The following CCR9 variants were observed in gnomAD, a reference collection of about 807,000 sequenced individuals.
CCR9 encodes the protein C-C chemokine receptor type 9.
A neutral mutation model predicts 8.7 loss-of-function variants in CCR9; 4 were observed. The ratio of observed to expected loss-of-function variants is 0.46; its 90% CI spans 0.23 to 1.06. The LOEUF is 1.06. Ranked by LOEUF, CCR9 falls within the 50% of genes least tolerant of loss-of-function variation. The pLI is 0.21. For missense variants in CCR9, 394 were observed against 453.6 expected, an observed-to-expected ratio of 0.87 and a Z score of 1.19; for synonymous variants, 159 against 168.8, an observed-to-expected ratio of 0.94 and a Z score of 0.45.
At chr3:45,891,885 G>A (rs1034627756) in intron 1 of CCR9, among the ~76,000 whole-genome samples, 3 of 152,070 alleles carry the variant, frequency 2.0e-5, no homozygotes, top group Non-Finnish European at 4.4e-5. Flanking sequence ...CTTTGATTTA[G>A]GTTGACCTTT....
At chr3:45,899,582 G>A (rs915210116) in intron 2 of CCR9, among the ~76,000 whole-genome samples, 59 of 152,202 alleles carry the variant, frequency 3.9e-4, no homozygotes, top group Non-Finnish European at 8.8e-5. Context: ...AAGTAGAGAT[G>A]AGATTTGGCA....
intron 2 of CCR9, among the ~76,000 whole-genome samples, chr3:45,898,103 T>G (rs1329743165): frequency 1.3e-5 from 2 of 152,078 alleles, no homozygotes; most frequent in Admixed American, 6.5e-5. Flanking sequence ...TCATCTGCAT[T>G]GTTTTACTGA....
At chr3:45,893,526 C>T (rs56058226) in intron 1 of CCR9, among the ~76,000 whole-genome samples, 43,006 of 152,090 alleles carry the variant, frequency 0.28, 7,551 homozygotes, top group Admixed American at 0.42. Context: ...GATTAGTTTG[C>T]ATTATTTAGA....
At position 45,901,271 on chromosome 3, in the gene CCR9, G is replaced by A; in HGVS notation, c.483G>A (p.Arg161=). 6.2e-7 allele frequency: 1 copy of A among 1,614,152 alleles called. No homozygotes were observed. The highest frequency in any genetic ancestry group is 8.5e-7 in the Non-Finnish European group (1 of 1,180,018). ...AMRAHTWREK[R]LLYSKMVCFT... ...GAGCACATACTTGGAGGGAGAAAAG[G>A]CTTTTGTACAGCAAAATGGTTTGCT... The change falls in exon 3 of 3, where the codon AGG becomes AGA. Residue 161 remains arginine (R), a synonymous_variant. Transcript: ENST00000357632. This position sits in a 1 kb window ranked among gnomAD's most constrained non-coding sequence, Gnocchi z 4.3.
At chr3:45,890,491 A>G (rs1279770568) in intron 1 of CCR9, among the ~76,000 whole-genome samples, 1 of 149,106 alleles carries the variant, frequency 6.7e-6, no homozygotes, top group African/African-American at 2.5e-5. Context: ...CATCTGGGGC[A>G]AAAAAAAGAA....
intron 2 of CCR9, among the ~76,000 whole-genome samples, chr3:45,897,170 T>C (rs1241031783): frequency 6.6e-6 from 1 of 152,160 alleles, no homozygotes; most frequent in African/African-American, 2.4e-5. Context: ...TACTGAGGGA[T>C]TTCCAGAGGA....
At position 45,902,076 on chromosome 3, in the gene CCR9, A is replaced by C; in HGVS notation, c.*178A>C. On this transcript the variant is annotated 3_prime_UTR_variant, in exon 3 of 3. Transcript: ENST00000357632. ...AAAGCAAATATTTCAAAATCAACTG[A>C]CTAGTGCAGGAGGCTGTTGATTGGC... 1 of 604,090 alleles carries C rather than the reference A, an allele frequency of 1.7e-6. No individual in the cohort carries two copies. The highest frequency in any genetic ancestry group is 2.4e-5 in the South Asian group (1 of 40,900). The allele number at this position is 604,090 out of a possible 1,614,324, so 37.4% of individuals were successfully genotyped here.
At chr3:45,894,864 T>G in intron 1 of CCR9, 42 bp from the exon 2 acceptor site, 1 of 1,469,120 alleles carries the variant, frequency 6.8e-7, no homozygotes, top group Non-Finnish European at 9.5e-7. Flanking sequence ...TTACTATTCG[T>G]TTACAAGCCA....
At chr3:45,898,608 A>G (rs1234237711) in intron 2 of CCR9, among the ~76,000 whole-genome samples, 2 of 152,232 alleles carry the variant, frequency 1.3e-5, no homozygotes, top group Non-Finnish European at 2.9e-5. Flanking sequence ...AGATGGAGTC[A>G]GGACTAGATG....
At chr3:45,892,182 T>C (rs958060892) in intron 1 of CCR9, among the ~76,000 whole-genome samples, 1 of 152,222 alleles carries the variant, frequency 6.6e-6, no homozygotes, top group African/African-American at 2.4e-5. Flanking sequence ...GAAACACACA[T>C]ACATATACAT....
intron 2 of CCR9, chr3:45,897,678 C>T: frequency 3.6e-6 from 5 of 1,385,582 alleles, no homozygotes; most frequent in South Asian, 2.7e-5. Flanking sequence ...CACCTGCCCC[C>T]TCTCATTTGT....
In CCR9 at chr3:45,900,959, C is replaced by T. The variant is rs537966588; in HGVS notation, c.171C>T (p.Leu57=). 6 of 1,614,192 alleles carry T rather than the reference C, an allele frequency of 3.7e-6. No homozygotes were observed. Among genetic ancestry groups the T allele is most frequent in the South Asian group, 2.2e-5 (2 of 91,082 alleles). ...ATTTCCTCCCACCCTTGTACTGGCT[C>T]GTGTTCATCGTGGGTGCCTTGGGCA... ...ASHFLPPLYW[L]VFIVGALGNS... The change falls in exon 3 of 3, where the codon CTC becomes CTT. Residue 57 remains leucine (L), a synonymous_variant. Transcript: ENST00000357632. The surrounding 1 kb of genome is among the most constrained non-coding windows in gnomAD (Gnocchi z 4.7).
rs1230641484 is a variant in CCR9 at position 45,900,365 on chromosome 3, C to T, written c.22-445C>T. Among the ~76,000 whole-genome samples the T allele has an allele frequency of 6.6e-6, 1 of 152,104 alleles. No individual in the cohort carries two copies. The highest frequency in any genetic ancestry group is 1.5e-5 in the Non-Finnish European group (1 of 68,026). ...AGATGAGTTTAAGAGCCCTTGCTAA[C>T]CTTTTTAGGGTCAGTGAAAAACTGA... On this transcript the variant is annotated intron_variant, in intron 2 of 2. Transcript: ENST00000357632. This position sits in a 1 kb window ranked among gnomAD's most constrained non-coding sequence, Gnocchi z 4.7.
intron 2 of CCR9, among the ~76,000 whole-genome samples, chr3:45,899,929 A>T (rs1352890569): frequency 2.0e-5 from 3 of 152,150 alleles, no homozygotes; most frequent in Non-Finnish European, 2.9e-5. Context: ...GTGTGTGTGT[A>T]TGCGCATATA....
chr3:45,890,666 T>C (rs966912750), intron 1 of CCR9, among the ~76,000 whole-genome samples: 2 of 151,976 alleles, frequency 1.3e-5, no homozygotes, highest in Non-Finnish European at 2.9e-5. Flanking sequence ...AAATACTGCC[T>C]GGGGAAAGTT....
intron 2 of CCR9, 90 bp downstream of exon 2, chr3:45,895,044 G>T (rs912227134): frequency 6.6e-5 from 87 of 1,322,908 alleles, no homozygotes; most frequent in Non-Finnish European, 9.1e-5. Flanking sequence ...GTGGGGGAAG[G>T]ATTTATCTGT....
intron 1 of CCR9, among the ~76,000 whole-genome samples, chr3:45,889,444 T>C (rs1243579802): frequency 6.6e-6 from 1 of 152,078 alleles, no homozygotes; most frequent in African/African-American, 2.4e-5. Context: ...TCTAGATGAG[T>C]TTTGTAAACA....
intron 2 of CCR9, among the ~76,000 whole-genome samples, chr3:45,898,283 A>T (rs527636309): frequency 2.0e-5 from 3 of 152,280 alleles, no homozygotes; most frequent in African/African-American, 7.2e-5. Flanking sequence ...CCATGATTGC[A>T]GCTGGTTCCC....
rs780915808 is a variant in CCR9 at position 45,901,040 on chromosome 3, C to T, written c.252C>T (p.Asp84=). 1.2e-6 allele frequency: 2 copies of T among 1,614,214 alleles called. No individual in the cohort carries two copies. The highest frequency in any genetic ancestry group is 2.2e-5 in the South Asian group (2 of 91,086). Residue 84 remains aspartate, a synonymous_variant, in exon 3 of 3, where the codon GAC becomes GAT. Transcript: ENST00000357632. The surrounding 1 kb of genome is among the most constrained non-coding windows in gnomAD (Gnocchi z 4.3). The part of the protein sequence containing the change: ...WYCTRVKTMT[D]MFLLNLAIAD... ...GCACAAGAGTGAAGACCATGACCGA[C>T]ATGTTCCTTTTGAATTTGGCAATTG...
Sources: allele counts gnomAD v4.1 joint callset (sites outside exome capture counted in the v4.1 genomes callset), GRCh38; gene constraint gnomAD v4.1.1; non-coding constraint Gnocchi (gnomAD v3.1); transcripts MANE v1.5; gene names NCBI Gene and HGNC (gene_info 2026-07-23, HGNC 2026-07-21).